Variants in DPP10 observed in about 807,000 individuals in gnomAD.
DPP10 encodes the protein inactive dipeptidyl peptidase 10.
DPP10 carries 33 observed loss-of-function variants against 120.9 expected under a neutral mutation model. That is an observed-to-expected ratio of 0.27 (90% CI 0.21 to 0.37). The LOEUF (loss-of-function observed/expected upper bound fraction) is 0.37, where lower values mean the gene tolerates loss of function less well. Among genes scored for constraint, DPP10 ranks in the 10% least tolerant of loss-of-function variants. The pLI is 1.00. For missense variants in DPP10, 816 were observed against 942.8 expected (o/e 0.87, Z 1.76); for synonymous variants, 337 against 326.1 (o/e 1.03, Z -0.36).
intron 1 of DPP10, chr2:115,064,599 G>A: frequency 8.2e-7 from 1 of 1,216,974 alleles, no homozygotes; most frequent in Non-Finnish European, 1.1e-6. Flanking sequence ...GACATAGGTG[G>A]GCACTGACGT....
chr2:115,794,611 A>G (rs952077239), intron 19 of DPP10, among the ~76,000 whole-genome samples: 2 of 152,134 alleles, frequency 1.3e-5, no homozygotes, highest in Non-Finnish European at 2.9e-5. Flanking sequence ...CATTGGCACC[A>G]TAGATGGATC....
rs1575979848 is a variant in DPP10 at position 115,844,409 on chromosome 2, A to G, written c.*2064A>G. 1.3e-5 allele frequency: 2 copies of G among 152,476 alleles called. No individual in the cohort carries two copies. The highest frequency in any genetic ancestry group is 3.9e-4 in the East Asian group (2 of 5,194). The allele number at this position is 152,476 out of a possible 1,614,324, so 9.4% of individuals were successfully genotyped here. On this transcript the variant is annotated 3_prime_UTR_variant, in exon 26 of 26. Transcript: ENST00000410059. ...ATTATCAATGTTTATCTATTTTTCA[A>G]TTAATTTAATACAGTTTCTAATGTG...
chr2:114,784,844 T>C (rs2106209917), intron 1 of DPP10, among the ~76,000 whole-genome samples: 1 of 152,370 alleles, frequency 6.6e-6, no homozygotes, highest in African/African-American at 2.4e-5. Context: ...CTAGAAATTA[T>C]AATGGCATGC....
intron 5 of DPP10, among the ~76,000 whole-genome samples, chr2:115,547,205 T>C (rs1348130391): frequency 6.6e-6 from 1 of 152,160 alleles, no homozygotes; most frequent in Non-Finnish European, 1.5e-5. Flanking sequence ...TCATTCTTCA[T>C]CTTTCACTTT....
chr2:115,750,591 T>C (rs1678576951), intron 10 of DPP10, among the ~76,000 whole-genome samples: 1 of 152,198 alleles, frequency 6.6e-6, no homozygotes, highest in Non-Finnish European at 1.5e-5. Flanking sequence ...TAAGCCACAT[T>C]ATTTAAAAAC....
At chr2:114,495,057 A>C (rs1384371521) in intron 1 of DPP10, among the ~76,000 whole-genome samples, 1 of 152,158 alleles carries the variant, frequency 6.6e-6, no homozygotes, top group Non-Finnish European at 1.5e-5. Context: ...GTAATTTGGG[A>C]GAGGAACAAG....
chr2:115,164,949 C>G (rs757400696), intron 1 of DPP10, among the ~76,000 whole-genome samples: 2 of 152,128 alleles, frequency 1.3e-5, no homozygotes, highest in Non-Finnish European at 2.9e-5. Flanking sequence ...TTTAAAGATT[C>G]TTTGATTACA....
Position 114,564,299 on chromosome 2 carries a change from A to G in DPP10, c.60+121461A>G, listed in dbSNP as rs142599143. Among the ~76,000 whole-genome samples, 166 of 152,184 alleles carry G rather than the reference A, an allele frequency of 1.1e-3. 1 individual carries two copies. Among genetic ancestry groups the G allele is most frequent in the African/African-American group, 3.8e-3 (159 of 41,530 alleles). On this transcript the variant is annotated intron_variant, in intron 1 of 25. Coordinates refer to ENST00000410059, the MANE Select transcript of DPP10 (RefSeq NM_020868.6). The stretch of plus-strand genomic sequence containing the variant: ...TCTCTACACAAGGCTAAGTTGCTAT[A>G]TATGTCCTATTTTATATAATTATCT...
intron 4 of DPP10, among the ~76,000 whole-genome samples, chr2:115,501,187 AT>A (rs2076664807): frequency 6.6e-6 from 1 of 152,036 alleles, no homozygotes; most frequent in Non-Finnish European, 1.5e-5. Flanking sequence ...GAATTATTCT[AT>A]TATGTGGCTG....
intron 3 of DPP10, among the ~76,000 whole-genome samples, chr2:115,411,286 T>C (rs1447093561): frequency 6.6e-6 from 1 of 151,970 alleles, no homozygotes; most frequent in South Asian, 2.1e-4. Flanking sequence ...GAGCCGAGAT[T>C]GCTCCACTGC....
At chr2:114,497,499 A>T in intron 1 of DPP10, among the ~76,000 whole-genome samples, 1 of 150,092 alleles carries the variant, frequency 6.7e-6, no homozygotes. Flanking sequence ...TGAACCATAA[A>T]CTAGAATGAT....
chr2:115,765,583 A>G (rs763962571), intron 12 of DPP10, among the ~76,000 whole-genome samples: 4 of 152,178 alleles, frequency 2.6e-5, no homozygotes, highest in Non-Finnish European at 4.4e-5. Context: ...TTTTTAGAAT[A>G]TCTGAGGAGA....
At chr2:115,372,982 T>A (rs1486497876) in intron 3 of DPP10, among the ~76,000 whole-genome samples, 1 of 152,230 alleles carries the variant, frequency 6.6e-6, no homozygotes, top group Non-Finnish European at 1.5e-5. Flanking sequence ...TGTCAAGTTA[T>A]TGATATTGTG....
At chr2:114,909,994 A>G (rs1233276978) in intron 1 of DPP10, among the ~76,000 whole-genome samples, 1 of 151,808 alleles carries the variant, frequency 6.6e-6, no homozygotes, top group East Asian at 1.9e-4. Flanking sequence ...TTACATATCT[A>G]TGTATCTATA....
At chr2:114,685,060 C>T (rs528626840) in intron 1 of DPP10, among the ~76,000 whole-genome samples, 4 of 152,064 alleles carry the variant, frequency 2.6e-5, no homozygotes, top group East Asian at 3.9e-4. Flanking sequence ...CTTTCTGCAT[C>T]GTCTGATGAA....
At position 115,525,968 on chromosome 2, in the gene DPP10, A is replaced by G; in HGVS notation, c.437A>G (p.Lys146Arg). The G allele has an allele frequency of 1.9e-6, 3 of 1,609,182 alleles. No individual in the cohort carries two copies. Among genetic ancestry groups the G allele is most frequent in the Non-Finnish European group, 2.5e-6 (3 of 1,177,338 alleles). The change falls in exon 5 of 26, where the codon AAA (lysine) becomes AGA (arginine). Residue 146 changes from lysine to arginine, a missense_variant. This residue lies in a region of DPP10 where 182 missense variants were observed against 207.4 expected (regional missense o/e 0.88). Coordinates refer to ENST00000410059, the MANE Select transcript of DPP10 (RefSeq NM_020868.6). Reference protein sequence around the residue: ...LKYVLLAYDVKQIFHYSYTAS... With the variant: ...LKYVLLAYDVRQIFHYSYTAS... Reference sequence around the variant, plus strand: ...TATGTCCTTCTGGCATATGATGTCAAACAGGTAAAGGAGTGATCTTCTTTG... The same window carrying G: ...TATGTCCTTCTGGCATATGATGTCAGACAGGTAAAGGAGTGATCTTCTTTG...
At chr2:115,396,118 C>T (rs887674137) in intron 3 of DPP10, among the ~76,000 whole-genome samples, 1 of 152,084 alleles carries the variant, frequency 6.6e-6, no homozygotes, top group Admixed American at 6.6e-5. Context: ...TGTTTAAGAT[C>T]ACATTCCAGG....
intron 1 of DPP10, among the ~76,000 whole-genome samples, chr2:114,624,883 G>T (rs1340117675): frequency 6.6e-6 from 1 of 151,890 alleles, no homozygotes; most frequent in African/African-American, 2.4e-5. Flanking sequence ...TGGTTCATCT[G>T]TTGCTCCACT....
At chr2:114,737,793 C>T (rs1677603054) in intron 1 of DPP10, among the ~76,000 whole-genome samples, 1 of 152,198 alleles carries the variant, frequency 6.6e-6, no homozygotes. Flanking sequence ...AGCCTGCTTC[C>T]TCAGCTATAG....
Sources: allele counts gnomAD v4.1 joint callset (sites outside exome capture counted in the v4.1 genomes callset), GRCh38; gene constraint gnomAD v4.1.1; regional missense constraint gnomAD v4.1.1; transcripts MANE v1.5; gene names NCBI Gene and HGNC (gene_info 2026-07-23, HGNC 2026-07-21).